ROBO1: variants seen among roughly 807,000 people sequenced by gnomAD.
ROBO1 encodes roundabout guidance receptor 1.
A neutral mutation model predicts 195.9 loss-of-function variants in ROBO1; 149 were observed. That is an observed-to-expected ratio of 0.76 (90% CI 0.67 to 0.87). ROBO1 has a LOEUF of 0.87. ROBO1 is among the 40% of genes least tolerant of loss of function. The pLI is 0.00. For synonymous variants in ROBO1, 816 were observed against 733.2 expected (o/e 1.11, Z -1.82); for missense variants, 1,933 against 2,068.3 (o/e 0.93, Z 1.27).
chr3:79,188,640 TA>T (rs2081485077), intron 2 of ROBO1, among the ~76,000 whole-genome samples: 1 of 151,736 alleles, frequency 6.6e-6, no homozygotes, highest in African/African-American at 2.4e-5. Flanking sequence ...TTTTTGAAAA[TA>T]TGAAGATGCC....
At chr3:79,106,939 T>C (rs1230760502) in intron 3 of ROBO1, among the ~76,000 whole-genome samples, 1 of 151,686 alleles carries the variant, frequency 6.6e-6, no homozygotes, top group African/African-American at 2.4e-5. Context: ...TCTCCGCTCA[T>C]TGTGTCAGTC....
At chr3:79,075,949 G>A (rs1169993679) in intron 3 of ROBO1, among the ~76,000 whole-genome samples, 2 of 151,462 alleles carry the variant, frequency 1.3e-5, no homozygotes, top group Non-Finnish European at 2.9e-5. Flanking sequence ...TCTAACAAGA[G>A]GCAGCATAGT....
Position 78,647,624 on chromosome 3 carries a change from T to A in ROBO1, c.2839+5A>T. The A allele has an allele frequency of 1.2e-6, 2 of 1,611,270 alleles. No individual in the cohort carries two copies. Among genetic ancestry groups the A allele is most frequent in the Non-Finnish European group, 1.7e-6 (2 of 1,177,756 alleles). The stretch of plus-strand genomic sequence containing the variant: ...GAAAGGAGGAGGGTAAGTGCAAATA[T>A]ATACCTGTTGGTGTGAAGGTAAAAG... On this transcript the variant is annotated splice_donor_5th_base_variant and intron_variant, in intron 20 of 30. Coordinates refer to ENST00000464233, the MANE Select transcript of ROBO1 (RefSeq NM_002941.4).
At chr3:79,141,711 G>A (rs575297485) in intron 2 of ROBO1, among the ~76,000 whole-genome samples, 1 of 152,038 alleles carries the variant, frequency 6.6e-6, no homozygotes, top group Admixed American at 6.5e-5. Flanking sequence ...GGGCACTGGT[G>A]ATCAAATAAA....
intron 2 of ROBO1, among the ~76,000 whole-genome samples, chr3:79,293,918 C>T (rs539534735): frequency 1.3e-5 from 2 of 150,548 alleles, no homozygotes; most frequent in East Asian, 2.0e-4. Context: ...ATTAGCCGGG[C>T]GTGGTAGCGG....
intron 1 of ROBO1, among the ~76,000 whole-genome samples, chr3:79,631,138 G>C (rs1451239964): frequency 6.6e-6 from 1 of 150,726 alleles, no homozygotes; most frequent in Non-Finnish European, 1.5e-5. Context: ...CACATAATTA[G>C]AAAAAAAATT....
intron 1 of ROBO1, among the ~76,000 whole-genome samples, chr3:79,708,229 A>C (rs939798606): frequency 5.3e-5 from 8 of 152,168 alleles, no homozygotes; most frequent in African/African-American, 1.9e-4. Flanking sequence ...ATTCTTATCA[A>C]GATTGGGAAG....
At chr3:79,318,268 T>C (rs1159662106) in intron 2 of ROBO1, among the ~76,000 whole-genome samples, 1 of 152,196 alleles carries the variant, frequency 6.6e-6, no homozygotes, top group East Asian at 1.9e-4. Context: ...CTCCCTATGG[T>C]TCAGCAAAGT....
chr3:79,030,179 T>C (rs1334945288), intron 3 of ROBO1, among the ~76,000 whole-genome samples: 1 of 152,214 alleles, frequency 6.6e-6, no homozygotes, highest in Non-Finnish European at 1.5e-5. Flanking sequence ...TTCAGTATTT[T>C]CAACTAGGGG....
chr3:79,651,581 G>C (rs979528440), intron 1 of ROBO1, among the ~76,000 whole-genome samples: 1 of 152,024 alleles, frequency 6.6e-6, no homozygotes, highest in African/African-American at 2.4e-5. Flanking sequence ...AGAACTCAGC[G>C]GTGCATGACG....
rs139382332 is a variant in ROBO1 at position 79,111,389 on chromosome 3, A to T, written c.172+14067T>A. ...AATTAGCTGGATGGGTTCAGACAAA[A>T]CTGAATACCTGATCTCCCAAATTAC... On this transcript the variant is annotated intron_variant, in intron 3 of 30. Transcript: ENST00000464233. Among the ~76,000 whole-genome samples the T allele has an allele frequency of 4.4e-3, 676 of 152,200 alleles. 10 individuals carry two copies. Among genetic ancestry groups the T allele is most frequent in the African/African-American group, 0.015 (636 of 41,540 alleles).
At chr3:78,666,433 G>A (rs60568341) in intron 14 of ROBO1, among the ~76,000 whole-genome samples, 44,968 of 152,094 alleles carry the variant, frequency 0.3, 7,178 homozygotes, top group African/African-American at 0.42. Flanking sequence ...AGGACAAAAC[G>A]GTGTTAAGCT....
chr3:79,495,025 A>G (rs534239495), intron 2 of ROBO1, among the ~76,000 whole-genome samples: 2 of 152,034 alleles, frequency 1.3e-5, no homozygotes, highest in East Asian at 1.9e-4. Flanking sequence ...AGATAGGTAG[A>G]TAGATAGATA....
chr3:78,627,547 G>A lies in ROBO1; in HGVS notation c.3649C>T (p.Pro1217Ser). 5 of 1,612,798 alleles carry A rather than the reference G, an allele frequency of 3.1e-6. No individual in the cohort carries two copies. In the South Asian group the frequency reaches 4.4e-5, roughly 14 times the overall value. ...DESYDQEMPC[P>S]VPPARMYLQQ... ...AAATACATCCTTGCTGGTGGCACGG[G>A]ACATGGCATTTCTTGGTCATAGCTA... The change falls in exon 26 of 31, where the codon CCC becomes TCC. Residue 1217 changes from proline (P) to serine (S), a missense_variant. Transcript: ENST00000464233.
At chr3:78,962,413 G>C (rs1429306769) in intron 3 of ROBO1, among the ~76,000 whole-genome samples, 1 of 152,144 alleles carries the variant, frequency 6.6e-6, no homozygotes, top group East Asian at 1.9e-4. Context: ...TAAATCACTT[G>C]CACAATATTT....
chr3:78,988,319 AGACTTCTCTG>A (rs2077159845), intron 3 of ROBO1, among the ~76,000 whole-genome samples: 1 of 152,188 alleles, frequency 6.6e-6, no homozygotes, highest in African/African-American at 2.4e-5. Flanking sequence ...CAAAATTACC[AGACTTCTCTG>A]TCTGGTGCAA....
At chr3:79,188,128 G>A (rs1244391318) in intron 2 of ROBO1, among the ~76,000 whole-genome samples, 1 of 151,976 alleles carries the variant, frequency 6.6e-6, no homozygotes, top group Non-Finnish European at 1.5e-5. Context: ...AGGTGTGATG[G>A]ATAAAGAGTG....
intron 4 of ROBO1, among the ~76,000 whole-genome samples, chr3:78,773,431 A>G (rs919681026): frequency 6.6e-6 from 1 of 151,988 alleles, no homozygotes; most frequent in African/African-American, 2.4e-5. Context: ...TTACATCAAC[A>G]TACAGAACTG....
intron 2 of ROBO1, among the ~76,000 whole-genome samples, chr3:79,335,024 G>T (rs2034607107): frequency 1.3e-5 from 2 of 152,250 alleles, no homozygotes; most frequent in South Asian, 2.1e-4. Context: ...GGCTGAGGCA[G>T]GAGAATTGCT....
Sources: allele counts gnomAD v4.1 joint callset (sites outside exome capture counted in the v4.1 genomes callset), GRCh38; gene constraint gnomAD v4.1.1; transcripts MANE v1.5; gene names NCBI Gene and HGNC (gene_info 2026-07-23, HGNC 2026-07-21).